The following STXBP5 variants were observed in gnomAD, a reference collection of about 807,000 sequenced individuals.
STXBP5 encodes syntaxin-binding protein 5.
In STXBP5, 50 loss-of-function variants were observed where a neutral mutation model predicts 152.4. The observed-to-expected ratio is 0.33, with a 90% confidence interval of 0.26 to 0.42. The LOEUF is 0.42. Among genes scored for constraint, STXBP5 ranks in the 10% least tolerant of loss-of-function variants. The pLI is 1.00. For missense variants in STXBP5, 1,167 were observed against 1,388.6 expected (o/e 0.84, Z 2.54); for synonymous variants, 492 against 494.7 (o/e 0.99, Z 0.07).
At chr6:147,333,680 G>A (rs1783692790) in intron 18 of STXBP5, among the ~76,000 whole-genome samples, 2 of 152,180 alleles carry the variant, frequency 1.3e-5, no homozygotes, top group African/African-American at 2.4e-5. Flanking sequence ...CTCAGTGACT[G>A]TTGGAAATGT....
At chr6:147,278,616 A>G (rs1780555965) in intron 8 of STXBP5, among the ~76,000 whole-genome samples, 2 of 152,154 alleles carry the variant, frequency 1.3e-5, no homozygotes, top group African/African-American at 4.8e-5. Flanking sequence ...GTAATTTTAT[A>G]TATCAAAATA....
At chr6:147,344,342 GAGTT>G (rs961963397) in intron 21 of STXBP5, among the ~76,000 whole-genome samples, 1 of 152,146 alleles carries the variant, frequency 6.6e-6, no homozygotes, top group African/African-American at 2.4e-5. Flanking sequence ...AAATTAGTCT[GAGTT>G]AGTCACATTA....
chr6:147,305,756 G>A (rs955911646), intron 9 of STXBP5, among the ~76,000 whole-genome samples: 5 of 152,072 alleles, frequency 3.3e-5, no homozygotes, highest in African/African-American at 1.2e-4. Context: ...TATGTCTCTG[G>A]ACTTCCTGCT....
chr6:147,333,466 G>A (rs1276124219), intron 18 of STXBP5, among the ~76,000 whole-genome samples: 1 of 152,194 alleles, frequency 6.6e-6, no homozygotes, highest in African/African-American at 2.4e-5. Context: ...GCAGGTTGCG[G>A]TGAGCCAAAA....
At chr6:147,233,812 T>TA (rs2115168389) in intron 2 of STXBP5, among the ~76,000 whole-genome samples, 1 of 150,984 alleles carries the variant, frequency 6.6e-6, no homozygotes, top group South Asian at 2.1e-4. Flanking sequence ...GAGCAACTGG[T>TA]ATAGCAAAAA....
intron 26 of STXBP5, among the ~76,000 whole-genome samples, chr6:147,379,480 C>A (rs1234442444): frequency 6.6e-6 from 1 of 152,048 alleles, no homozygotes; most frequent in Admixed American, 6.6e-5. Flanking sequence ...ATAAAAGATA[C>A]CAGTTCTCTC....
intron 4 of STXBP5, among the ~76,000 whole-genome samples, chr6:147,242,424 T>C (rs995211618): frequency 7.9e-5 from 12 of 152,096 alleles, no homozygotes; most frequent in African/African-American, 2.7e-4. Context: ...AAGAGTCCAG[T>C]GTTTATAAAG....
At chr6:147,303,399 T>C (rs946238583) in intron 9 of STXBP5, among the ~76,000 whole-genome samples, 1 of 152,202 alleles carries the variant, frequency 6.6e-6, no homozygotes, top group Non-Finnish European at 1.5e-5. Flanking sequence ...CCTTCCACCA[T>C]GATGGTAAGT....
intron 4 of STXBP5, among the ~76,000 whole-genome samples, chr6:147,258,545 T>G (rs925267432): frequency 6.6e-6 from 1 of 152,286 alleles, no homozygotes; most frequent in East Asian, 1.9e-4. Flanking sequence ...GCCATTCTCG[T>G]GCCTCAGCCT....
Position 147,259,642 on chromosome 6 carries a change from G to C in STXBP5, c.432-973G>C, listed in dbSNP as rs756516466. 2.0e-5 allele frequency among the ~76,000 whole-genome samples: 3 copies of C among 152,050 alleles called. No homozygotes were observed. The South Asian group carries it at 6.2e-4, about 31-fold the overall frequency. ...ATGCTTTGCCGAGTGCCTAATGTTAGTATTGACAGGCTGGCAGTCATTATT... is the reference window on the plus strand; with the variant it reads ...ATGCTTTGCCGAGTGCCTAATGTTACTATTGACAGGCTGGCAGTCATTATT... On this transcript the variant is annotated intron_variant, in intron 4 of 27. Coordinates refer to ENST00000321680, the MANE Select transcript of STXBP5 (RefSeq NM_001127715.4).
Position 147,291,184 on chromosome 6 carries a change from C to T in STXBP5, c.917+12C>T, listed in dbSNP as rs1781257102. 2 of 1,607,400 alleles carry T rather than the reference C, an allele frequency of 1.2e-6. No homozygotes were observed. The highest frequency in any genetic ancestry group is 2.7e-5 in the African/African-American group (2 of 74,896). On this transcript the variant is annotated intron_variant, in intron 9 of 27. Transcript: ENST00000321680. ...ACGACTAGATCTGGGTAAGATTTTA[C>T]TTCATTGCCAATGTTCATTGTATAT...
intron 23 of STXBP5, among the ~76,000 whole-genome samples, chr6:147,362,047 A>C (rs941791934): frequency 1.3e-5 from 2 of 152,158 alleles, no homozygotes; most frequent in Non-Finnish European, 2.9e-5. Flanking sequence ...TGATATAACA[A>C]ATACTTTAAT....
chr6:147,349,977 T>C (rs1283628313), intron 21 of STXBP5, among the ~76,000 whole-genome samples: 1 of 152,224 alleles, frequency 6.6e-6, no homozygotes, highest in Non-Finnish European at 1.5e-5. Flanking sequence ...AATAGCAATA[T>C]GGCTGAAGTA....
intron 26 of STXBP5, among the ~76,000 whole-genome samples, chr6:147,381,559 C>T (rs1786084124): frequency 6.6e-6 from 1 of 152,102 alleles, no homozygotes; most frequent in South Asian, 2.1e-4. Context: ...TGAAAACATG[C>T]ATTTACCCAA....
At chr6:147,373,529 A>G (rs905290354) in intron 25 of STXBP5, among the ~76,000 whole-genome samples, 7 of 152,204 alleles carry the variant, frequency 4.6e-5, no homozygotes, top group Non-Finnish European at 8.8e-5. Context: ...CAAGCAGCAA[A>G]TAAGTCATAT....
At chr6:147,315,838 T>G in intron 15 of STXBP5, 103 bp downstream of exon 15, 1 of 963,362 alleles carries the variant, frequency 1.0e-6, no homozygotes, top group Non-Finnish European at 1.6e-6. Flanking sequence ...TGTGCAGAAC[T>G]TTTGAAAACA....
At chr6:147,311,819 T>C (rs1231851728) in intron 11 of STXBP5, among the ~76,000 whole-genome samples, 1 of 152,160 alleles carries the variant, frequency 6.6e-6, no homozygotes, top group Non-Finnish European at 1.5e-5. Context: ...CGTCAAAAAT[T>C]AATCCCATCA....
intron 4 of STXBP5, 42 bp from the exon 5 acceptor site, chr6:147,260,573 C>T: frequency 3.7e-6 from 6 of 1,612,104 alleles, no homozygotes; most frequent in Non-Finnish European, 5.1e-6. Flanking sequence ...TAAAATTTGC[C>T]ATTTTTCAAA....
In STXBP5 at chr6:147,385,858, A is replaced by G. The variant is rs1342508715; in HGVS notation, c.*1103A>G. 5 of 152,154 alleles carry G rather than the reference A, an allele frequency of 3.3e-5. No homozygotes were observed. Among genetic ancestry groups the G allele is most frequent in the African/African-American group, 1.2e-4 (5 of 41,468 alleles). 9.4% of individuals were successfully genotyped at this position (152,154 alleles called of 1,614,324 possible). A position where few individuals can be genotyped will look rare whatever the true frequency, so the allele number is the denominator to read the frequency against. On this transcript the variant is annotated 3_prime_UTR_variant, in exon 28 of 28. Transcript: ENST00000321680. ...TGTTAGTGCACATGCTATCGCATGG[A>G]AAATTACAAGCATCTGTTGTCAATA... is the stretch of plus-strand genomic sequence containing the variant.
Sources: allele counts gnomAD v4.1 joint callset (sites outside exome capture counted in the v4.1 genomes callset), GRCh38; gene constraint gnomAD v4.1.1; transcripts MANE v1.5; gene names NCBI Gene and HGNC (gene_info 2026-07-23, HGNC 2026-07-21).